Variants in GPC5 observed in about 807,000 individuals in gnomAD.
GPC5 encodes the protein glypican-5.
A neutral mutation model predicts 53.9 loss-of-function variants in GPC5; 47 were observed. The ratio of observed to expected loss-of-function variants is 0.87; its 90% CI spans 0.69 to 1.11. GPC5 has a LOEUF of 1.11. GPC5 is among the 50% of genes most tolerant of loss of function. The probability of loss-of-function intolerance (pLI) is 0.00; values close to 1 mark genes in which losing one functional copy is unlikely to be tolerated. For missense variants in GPC5, 748 were observed against 713.1 expected, an observed-to-expected ratio of 1.05 and a Z score of -0.56; for synonymous variants, 286 against 263.3, an observed-to-expected ratio of 1.09 and a Z score of -0.84.
chr13:92,294,992 C>A (rs1167460675), intron 7 of GPC5, among the ~76,000 whole-genome samples: 1 of 151,776 alleles, frequency 6.6e-6, no homozygotes, highest in East Asian at 1.9e-4. Context: ...TCATGCCTGG[C>A]TAAATTTTTG....
intron 7 of GPC5, among the ~76,000 whole-genome samples, chr13:92,397,359 GCTCT>G (rs938667948): frequency 2.0e-5 from 3 of 152,236 alleles, no homozygotes; most frequent in African/African-American, 7.2e-5. Flanking sequence ...CTTTTACTTG[GCTCT>G]CTAATTCTCT....
At chr13:92,184,499 T>A (rs2042170351) in intron 7 of GPC5, among the ~76,000 whole-genome samples, 1 of 152,144 alleles carries the variant, frequency 6.6e-6, no homozygotes, top group Non-Finnish European at 1.5e-5. Flanking sequence ...AGCTTTTAGC[T>A]TCTGTCTTTG....
At chr13:91,973,538 G>A (rs1223538919) in intron 6 of GPC5, among the ~76,000 whole-genome samples, 1 of 152,206 alleles carries the variant, frequency 6.6e-6, no homozygotes, top group Non-Finnish European at 1.5e-5. Flanking sequence ...AGGAGGAGAG[G>A]CACTCTGCTT....
intron 5 of GPC5, among the ~76,000 whole-genome samples, chr13:91,902,682 A>C (rs2039509804): frequency 6.6e-6 from 1 of 152,144 alleles, no homozygotes; most frequent in Non-Finnish European, 1.5e-5. Context: ...AAAAAGAAGG[A>C]ATTAATGATT....
At chr13:92,799,137 G>T (rs1876810298) in intron 7 of GPC5, among the ~76,000 whole-genome samples, 1 of 151,558 alleles carries the variant, frequency 6.6e-6, no homozygotes, top group Middle Eastern at 3.2e-3. Context: ...CTCTCCTGTG[G>T]TAAATGAGGA....
chr13:92,257,209 T>C (rs1326439984), intron 7 of GPC5, among the ~76,000 whole-genome samples: 1 of 152,152 alleles, frequency 6.6e-6, no homozygotes, highest in African/African-American at 2.4e-5. Flanking sequence ...GAAAATATGA[T>C]AGGCAATATC....
intron 6 of GPC5, among the ~76,000 whole-genome samples, chr13:92,052,995 A>G (rs191482797): frequency 1.3e-5 from 2 of 152,250 alleles, no homozygotes; most frequent in African/African-American, 4.8e-5. Context: ...ACAGAATTTT[A>G]CTGTAAATCA....
chr13:92,516,330 T>G (rs1445764998), intron 7 of GPC5, among the ~76,000 whole-genome samples: 2 of 152,172 alleles, frequency 1.3e-5, no homozygotes, highest in Non-Finnish European at 2.9e-5. Flanking sequence ...GAGTCCATAT[T>G]GTTGTTTTTT....
intron 7 of GPC5, among the ~76,000 whole-genome samples, chr13:92,715,249 G>A (rs1160038360): frequency 6.6e-6 from 1 of 152,172 alleles, no homozygotes; most frequent in East Asian, 1.9e-4. Context: ...CTATGAGAGT[G>A]TGTGCATGTT....
At chr13:92,860,865 C>T (rs1375403014) in intron 7 of GPC5, among the ~76,000 whole-genome samples, 1 of 151,888 alleles carries the variant, frequency 6.6e-6, no homozygotes, top group African/African-American at 2.4e-5. Flanking sequence ...TTAAAAGACA[C>T]TAAGAGAAAC....
intron 6 of GPC5, among the ~76,000 whole-genome samples, chr13:91,978,608 G>C (rs2040329282): frequency 6.6e-6 from 1 of 152,220 alleles, no homozygotes; most frequent in Non-Finnish European, 1.5e-5. Flanking sequence ...CACACAGGAA[G>C]ACATCAGATT....
intron 7 of GPC5, among the ~76,000 whole-genome samples, chr13:92,308,528 C>T (rs2043125894): frequency 2.0e-5 from 3 of 152,052 alleles, no homozygotes; most frequent in Admixed American, 6.6e-5. Flanking sequence ...GTTGGAGAAA[C>T]GAAATGTATG....
intron 5 of GPC5, among the ~76,000 whole-genome samples, chr13:91,791,060 G>A (rs2037956287): frequency 6.6e-6 from 1 of 152,206 alleles, no homozygotes; most frequent in East Asian, 1.9e-4. Flanking sequence ...GCCTCACAGT[G>A]TGAAACACAA....
intron 6 of GPC5, among the ~76,000 whole-genome samples, chr13:91,959,076 AC>A (rs2040101925): frequency 6.6e-6 from 1 of 150,758 alleles, no homozygotes. Flanking sequence ...ACACACACAC[AC>A]ACACACACAC....
At chr13:91,458,067 C>T (rs1881678902) in intron 2 of GPC5, among the ~76,000 whole-genome samples, 1 of 151,998 alleles carries the variant, frequency 6.6e-6, no homozygotes, top group Non-Finnish European at 1.5e-5. Context: ...TAGAGGGCTG[C>T]AATTTTAAAT....
Position 91,836,857 on chromosome 13 carries a change from A to G in GPC5, c.1281-71080A>G, listed in dbSNP as rs376759035. On this transcript the variant is annotated intron_variant, in intron 5 of 7. Coordinates refer to ENST00000377067, the MANE Select transcript of GPC5 (RefSeq NM_004466.6). ...TTTTAAAAACCTTAAAAGTATAATT[A>G]TGCTCAAATAAGAAATCTGTTCCCA... 4.7e-4 allele frequency among the ~76,000 whole-genome samples: 72 copies of G among 151,602 alleles called. 1 individual carries two copies. The South Asian group carries it at 0.015, about 31-fold the overall frequency.
At chr13:91,809,674 C>T (rs1594583924) in intron 5 of GPC5, among the ~76,000 whole-genome samples, 1 of 152,002 alleles carries the variant, frequency 6.6e-6, no homozygotes, top group East Asian at 1.9e-4. Flanking sequence ...ATTTCCCACA[C>T]ATAAAACTCC....
At chr13:91,850,567 T>C (rs1309361156) in intron 5 of GPC5, among the ~76,000 whole-genome samples, 1 of 152,192 alleles carries the variant, frequency 6.6e-6, no homozygotes, top group Non-Finnish European at 1.5e-5. Flanking sequence ...TTCAAACTTT[T>C]AGGGATGTCT....
intron 7 of GPC5, among the ~76,000 whole-genome samples, chr13:92,338,145 C>T (rs1234926093): frequency 6.6e-6 from 1 of 151,850 alleles, no homozygotes; most frequent in East Asian, 1.9e-4. Flanking sequence ...AAAAAATTGG[C>T]CAAAGACCTC....
Sources: allele counts gnomAD v4.1 joint callset (sites outside exome capture counted in the v4.1 genomes callset), GRCh38; gene constraint gnomAD v4.1.1; transcripts MANE v1.5; gene names NCBI Gene and HGNC (gene_info 2026-07-23, HGNC 2026-07-21).